Variants in LYPD6 observed in about 807,000 individuals in gnomAD.
The protein encoded by LYPD6 is ly6/PLAUR domain-containing protein 6.
Under a neutral mutation model 22.7 loss-of-function variants are expected in LYPD6, and 15 were observed. The ratio of observed to expected loss-of-function variants is 0.66; its 90% CI spans 0.44 to 1.02. The LOEUF is 1.02. Ranked by LOEUF, LYPD6 falls within the 50% of genes least tolerant of loss-of-function variation. LYPD6 has a pLI of 0.00. For missense variants in LYPD6, 189 were observed against 208.4 expected (o/e 0.91, Z 0.57); for synonymous variants, 72 against 77.5 (o/e 0.93, Z 0.37).
chr2:149,353,986 A>C (rs1332828685), intron 1 of LYPD6, among the ~76,000 whole-genome samples: 2 of 152,156 alleles, frequency 1.3e-5, no homozygotes, highest in Non-Finnish European at 2.9e-5. Context: ...TGAATTTAGC[A>C]GTGTGTGAAG....
chr2:149,446,852 G>A (rs557432632), intron 2 of LYPD6, among the ~76,000 whole-genome samples: 51 of 152,252 alleles, frequency 3.3e-4, no homozygotes, highest in African/African-American at 1.2e-3. Flanking sequence ...AGCTATTCTC[G>A]GCAAGGTGAA....
intron 1 of LYPD6, among the ~76,000 whole-genome samples, chr2:149,354,496 G>A (rs139952464): frequency 1.5e-3 from 227 of 152,098 alleles, no homozygotes; most frequent in African/African-American, 4.9e-3. Flanking sequence ...ATGAACCACC[G>A]CACCTGGCCT....
At chr2:149,469,098 G>C (rs1404656349) in intron 4 of LYPD6, among the ~76,000 whole-genome samples, 1 of 152,218 alleles carries the variant, frequency 6.6e-6, no homozygotes, top group Non-Finnish European at 1.5e-5. Flanking sequence ...CCATCACAGT[G>C]AAGCTTTGCA....
chr2:149,460,925 A>G (rs561526168), intron 3 of LYPD6, among the ~76,000 whole-genome samples: 1 of 152,230 alleles, frequency 6.6e-6, no homozygotes, highest in African/African-American at 2.4e-5. Context: ...TTAAAAGACA[A>G]TGAACTGAAT....
rs771983686 is a variant in LYPD6, at chr2:149,468,687, G to C, written c.260G>C (p.Gly87Ala). 30 of 1,613,526 alleles carry C rather than the reference G, an allele frequency of 1.9e-5. No homozygotes were observed. The highest frequency in any genetic ancestry group is 2.5e-5 in the Non-Finnish European group (30 of 1,179,686). The change falls in exon 4 of 5, where the codon GGA (glycine) becomes GCA (alanine). Residue 87 changes from glycine to alanine, a missense_variant. Gly to Ala is a moderately conservative substitution (Grantham distance 60). Transcript: ENST00000334166. ...ACTCAGCACACAATGGAAGTCACAG[G>C]AAACAGTATCTCAGTCACCAAACGC... is the stretch of plus-strand genomic sequence containing the variant. ...CYTQHTMEVTGNSISVTKRCV... is the reference protein window; with the variant it reads ...CYTQHTMEVTANSISVTKRCV...
rs114715789 is a variant in LYPD6, at chr2:149,441,727, A to G, written c.118+3901A>G. Among the ~76,000 whole-genome samples, 1,060 of 152,318 alleles carry G rather than the reference A, an allele frequency of 7.0e-3. 10 individuals carry two copies. The highest frequency in any genetic ancestry group is 0.024 in the African/African-American group (987 of 41,564). ...AAATCAAATAAGAACTTTCAAAACA[A>G]GAGTTACTATTAAGAGAAATAGAGC... On this transcript the variant is annotated intron_variant, in intron 2 of 4. Transcript: ENST00000334166.
the LYPD6 span, among the ~76,000 whole-genome samples, chr2:149,482,744 G>A: frequency 6.6e-6 from 1 of 152,112 alleles, no homozygotes; most frequent in Admixed American, 6.6e-5. Context: ...AAGCTTACTG[G>A]GCTGTTCTAG....
chr2:149,388,042 A>T (rs765767249), intron 1 of LYPD6, among the ~76,000 whole-genome samples: 2 of 152,198 alleles, frequency 1.3e-5, no homozygotes, highest in Non-Finnish European at 2.9e-5. Flanking sequence ...GTTCTAAATG[A>T]CCGAGCCTTA....
Position 149,471,721 on chromosome 2 carries a change from CAG to C in LYPD6, c.*874_*875del, listed in dbSNP as rs1681338508. The stretch of plus-strand genomic sequence containing the variant: ...TCTATTCAGCCATAGATAATCTAGA[CAG>C]AGGATTTCAGAATGAAAGGAAAAAT... On this transcript the variant is annotated 3_prime_UTR_variant, in exon 5 of 5. Coordinates refer to ENST00000334166, the MANE Select transcript of LYPD6 (RefSeq NM_194317.5). 6.6e-6 allele frequency: 1 copy of C among 152,572 alleles called. No homozygotes were observed. Among genetic ancestry groups the C allele is most frequent in the South Asian group, 2.1e-4 (1 of 4,826 alleles). The allele number at this position is 152,572 out of a possible 1,614,324, so 9.5% of individuals were successfully genotyped here. A position where few individuals can be genotyped will look rare whatever the true frequency, so the allele number is the denominator to read the frequency against.
intron 1 of LYPD6, among the ~76,000 whole-genome samples, chr2:149,354,128 T>C (rs2105061573): frequency 6.6e-6 from 1 of 152,252 alleles, no homozygotes; most frequent in South Asian, 2.1e-4. Context: ...GGATAAGGCA[T>C]GAGAGGTGGG....
chr2:149,410,158 A>G (rs1682820832), intron 1 of LYPD6, among the ~76,000 whole-genome samples: 1 of 152,214 alleles, frequency 6.6e-6, no homozygotes, highest in Non-Finnish European at 1.5e-5. Context: ...GTCAAAAACT[A>G]GTAAAATTTA....
intron 3 of LYPD6, among the ~76,000 whole-genome samples, chr2:149,465,342 G>C (rs1262060503): frequency 1.3e-5 from 2 of 152,202 alleles, no homozygotes; most frequent in African/African-American, 4.8e-5. Flanking sequence ...CAGGGGAGTA[G>C]TGTGGCAGAA....
At chr2:149,426,289 T>G (rs1683187629) in intron 1 of LYPD6, among the ~76,000 whole-genome samples, 2 of 152,284 alleles carry the variant, frequency 1.3e-5, no homozygotes, top group South Asian at 2.1e-4. Flanking sequence ...CTCTCACGGT[T>G]TTTGGACAAA....
intron 1 of LYPD6, among the ~76,000 whole-genome samples, chr2:149,334,204 C>T (rs2105042191): frequency 6.6e-6 from 1 of 151,998 alleles, no homozygotes; most frequent in African/African-American, 2.4e-5. Flanking sequence ...TTATGAAGGG[C>T]AACAGATCCC....
chr2:149,435,455 G>A (rs1427157745), intron 1 of LYPD6, among the ~76,000 whole-genome samples: 2 of 152,178 alleles, frequency 1.3e-5, no homozygotes. Flanking sequence ...AGGAGATGGG[G>A]GTATTGGCCA....
chr2:149,409,097 G>A (rs1247500182), intron 1 of LYPD6, among the ~76,000 whole-genome samples: 1 of 152,184 alleles, frequency 6.6e-6, no homozygotes, highest in Non-Finnish European at 1.5e-5. Flanking sequence ...CCCATGGGGT[G>A]CTCCCTTGAT....
intron 1 of LYPD6, among the ~76,000 whole-genome samples, chr2:149,421,158 G>A (rs1683069579): frequency 1.3e-5 from 2 of 152,010 alleles, no homozygotes; most frequent in Admixed American, 1.3e-4. Context: ...CACTTTGGGA[G>A]GCCAAGGCGG....
intron 1 of LYPD6, among the ~76,000 whole-genome samples, chr2:149,345,605 G>A (rs1038845372): frequency 4.0e-5 from 6 of 151,634 alleles, no homozygotes; most frequent in African/African-American, 1.5e-4. Flanking sequence ...GGGAGCCAAC[G>A]CACCCGGCCT....
At chr2:149,464,241 A>G (rs1039007452) in intron 3 of LYPD6, 2 of 339,370 alleles carry the variant, frequency 5.9e-6, no homozygotes, top group African/African-American at 4.6e-5. Context: ...GAGAAGAGAG[A>G]AGATTAGCAT....
Sources: allele counts gnomAD v4.1 joint callset (sites outside exome capture counted in the v4.1 genomes callset), GRCh38; gene constraint gnomAD v4.1.1; transcripts MANE v1.5; gene names NCBI Gene and HGNC (gene_info 2026-07-23, HGNC 2026-07-21).